Variants in UTP25 observed in about 807,000 individuals in gnomAD.
UTP25 encodes UTP25 small subunit processome component.
Under a neutral mutation model 78.9 loss-of-function variants are expected in UTP25, and 50 were observed. The observed-to-expected ratio is 0.63, with a 90% CI of 0.50 to 0.80. UTP25 has a LOEUF of 0.80. Among genes scored for constraint, UTP25 ranks in the 30% least tolerant of loss-of-function variants. UTP25 has a pLI of 0.00. For missense variants in UTP25, 846 were observed against 911.3 expected, an observed-to-expected ratio of 0.93 and a Z score of 0.92; for synonymous variants, 329 against 336.5, an observed-to-expected ratio of 0.98 and a Z score of 0.24.
At position 209,831,000 on chromosome 1, in the gene UTP25, T is replaced by C. The variant is rs1261378074; in HGVS notation, c.345T>C (p.Ser115=). ...MNDEDGGSDV[S]VEEEMAAEST... is the part of the protein sequence containing the mutation. Reference sequence around the variant, plus strand: ...ATGAAGATGGTGGTAGCGATGTCAGTGTGGAAGAAGAGATGGCTGCAGAGT... The same window carrying C: ...ATGAAGATGGTGGTAGCGATGTCAGCGTGGAAGAAGAGATGGCTGCAGAGT... Residue 115 remains serine (S), a synonymous_variant, in exon 3 of 12, where the codon AGT becomes AGC. Transcript: ENST00000491415. 1.9e-6 allele frequency: 3 copies of C among 1,614,100 alleles called. No homozygotes were observed. Among genetic ancestry groups the C allele is most frequent in the African/African-American group, 2.7e-5 (2 of 75,032 alleles).
intron 11 of UTP25, among the ~76,000 whole-genome samples, chr1:209,850,383 A>G (rs1383392964): frequency 6.6e-6 from 1 of 152,236 alleles, no homozygotes; most frequent in Non-Finnish European, 1.5e-5. Context: ...GCTGTGAGGG[A>G]AAAAGACAAG....
At position 209,828,041 on chromosome 1, in the gene UTP25, TG is replaced by T; in HGVS notation, c.-20del. 6.2e-7 allele frequency: 1 copy of T among 1,601,326 alleles called. No homozygotes were observed. Among genetic ancestry groups the T allele is most frequent in the Non-Finnish European group, 8.6e-7 (1 of 1,168,428 alleles). ...GGTGGAAAACCGCGACTCTTGCAAG[TG>T]GGCAAACTTGACGTTTTCGCTATGG... is the stretch of plus-strand genomic sequence containing the variant. On this transcript the variant is annotated 5_prime_UTR_variant, in exon 1 of 12. Transcript: ENST00000491415.
intron 6 of UTP25, among the ~76,000 whole-genome samples, chr1:209,838,127 G>C (rs2078144460): frequency 6.6e-6 from 1 of 152,126 alleles, no homozygotes; most frequent in Non-Finnish European, 1.5e-5. Flanking sequence ...TGAACATCAG[G>C]GTTATAAGGT....
chr1:209,844,064 G>T, intron 11 of UTP25: 1 of 205,426 alleles, frequency 4.9e-6, no homozygotes, highest in African/African-American at 2.3e-5. Flanking sequence ...TTTTCCCTCT[G>T]TTTGCCCTCA....
rs1006371672 is a variant in UTP25, at chr1:209,839,858, G to C, written c.1282+730G>C. Among the ~76,000 whole-genome samples the C allele has an allele frequency of 2.0e-5, 3 of 152,232 alleles. No homozygotes were observed. In the South Asian group the frequency reaches 6.2e-4, roughly 32 times the overall value. On this transcript the variant is annotated intron_variant, in intron 7 of 11. Coordinates refer to ENST00000491415, the MANE Select transcript of UTP25 (RefSeq NM_014388.7). The stretch of plus-strand genomic sequence containing the variant: ...AGTGCAGGATATGTGTGCAACGGTT[G>C]TTCTCGGAGCATTTAAAGCAAACCC...
chr1:209,850,272 G>A (rs138793368), intron 11 of UTP25, among the ~76,000 whole-genome samples: 93 of 152,244 alleles, frequency 6.1e-4, no homozygotes, highest in Admixed American at 1.6e-3. Flanking sequence ...TTCATTAGCC[G>A]TTAGAATTCC....
chr1:209,841,242 A>G (rs2078165599), intron 8 of UTP25, among the ~76,000 whole-genome samples, 187 bp downstream of exon 8: 1 of 152,240 alleles, frequency 6.6e-6, no homozygotes, highest in Non-Finnish European at 1.5e-5. Context: ...GAGATTGTCC[A>G]TAATTAAACT....
In UTP25 at chr1:209,857,531, T is replaced by C. The variant is rs1402197055; in HGVS notation, c.*6084T>C. The C allele has an allele frequency of 2.0e-5, 3 of 152,242 alleles. No individual in the cohort carries two copies. Among genetic ancestry groups the C allele is most frequent in the African/African-American group, 4.8e-5 (2 of 41,466 alleles). 9.4% of individuals were successfully genotyped at this position (152,242 alleles called of 1,614,324 possible). A position where few individuals can be genotyped will look rare whatever the true frequency, so the allele number is the denominator to read the frequency against. On this transcript the variant is annotated 3_prime_UTR_variant, in exon 12 of 12. Transcript: ENST00000491415. ...CCAACAATGTGTGTGTATGTATATATATGCTTTTGCATTAAAAGGTGGTTT... is the reference window on the plus strand; with the variant it reads ...CCAACAATGTGTGTGTATGTATATACATGCTTTTGCATTAAAAGGTGGTTT...
rs1183794710 is a variant in UTP25, at chr1:209,853,928, A to C, written c.*2481A>C. On this transcript the variant is annotated 3_prime_UTR_variant, in exon 12 of 12. Transcript: ENST00000491415. ...ACACTGAGGATTTCAAGTGTGAACA[A>C]AGTAGTGTTGCTTTGTTCCTGGCTC... The C allele has an allele frequency of 6.6e-6, 1 of 152,208 alleles. No individual in the cohort carries two copies. The highest frequency in any genetic ancestry group is 2.4e-5 in the African/African-American group (1 of 41,444). The allele number at this position is 152,208 out of a possible 1,614,324, so 9.4% of individuals were successfully genotyped here.
chr1:209,851,194 A>T lies in UTP25; in HGVS notation c.2028-10A>T, dbSNP rs746410164. 4 of 1,606,272 alleles carry T rather than the reference A, an allele frequency of 2.5e-6. No homozygotes were observed. The highest frequency in any genetic ancestry group is 2.2e-5 in the East Asian group (1 of 44,836). On this transcript the variant is annotated splice_polypyrimidine_tract_variant and intron_variant, in intron 11 of 11. Coordinates refer to ENST00000491415, the MANE Select transcript of UTP25 (RefSeq NM_014388.7). Reference sequence around the variant, plus strand: ...AAGTTGACATAGCTCTTTCTTTCCAATTCTGACAGGTATACAATAAAAGGC... The same window carrying T: ...AAGTTGACATAGCTCTTTCTTTCCATTTCTGACAGGTATACAATAAAAGGC...
At chr1:209,837,755 TG>T (rs2078142358) in intron 6 of UTP25, among the ~76,000 whole-genome samples, 1 of 152,218 alleles carries the variant, frequency 6.6e-6, no homozygotes, top group South Asian at 2.1e-4. Context: ...GTGATGCGTT[TG>T]TATTCATAAG....
In UTP25 at chr1:209,840,931, G is replaced by C. The variant is rs1369736625; in HGVS notation, c.1361G>C (p.Gly454Ala). The change falls in exon 8 of 12, where the codon GGC becomes GCC. Residue 454 changes from glycine (G) to alanine (A), a missense_variant. Transcript: ENST00000491415. ...SSDILIASPL[G>A]LRTIIGGEGE... ...GATATCCTCATTGCTTCCCCCCTGG[G>C]CTTGAGGACCATCATTGGTGGAGAA... The C allele has an allele frequency of 2.5e-6, 4 of 1,614,018 alleles. No individual in the cohort carries two copies. Among genetic ancestry groups the C allele is most frequent in the Non-Finnish European group, 3.4e-6 (4 of 1,179,960 alleles).
chr1:209,838,455 C>T (rs1220244518), intron 6 of UTP25, among the ~76,000 whole-genome samples: 1 of 151,972 alleles, frequency 6.6e-6, no homozygotes, highest in Admixed American at 6.6e-5. Flanking sequence ...CTTTTTCTTA[C>T]CCGCTTTATT....
intron 3 of UTP25, among the ~76,000 whole-genome samples, chr1:209,832,076 T>C (rs2078106708): frequency 6.6e-6 from 1 of 152,048 alleles, no homozygotes; most frequent in Admixed American, 6.5e-5. Flanking sequence ...TTCATTGACT[T>C]ACACTTAGGA....
At chr1:209,829,968 C>T (rs2078093602) in intron 1 of UTP25, 140 bp from the exon 2 acceptor site, 2 of 654,972 alleles carry the variant, frequency 3.1e-6, no homozygotes, top group African/African-American at 3.7e-5. Flanking sequence ...TGCCCAAGTG[C>T]ATGTGTAATT....
At chr1:209,843,799 C>G in intron 11 of UTP25, 103 bp downstream of exon 11, 1 of 1,433,454 alleles carries the variant, frequency 7.0e-7, no homozygotes, top group Non-Finnish European at 9.4e-7. Flanking sequence ...TTGAGATCAT[C>G]CCTCACTCTC....
chr1:209,839,177 A>G, intron 7 of UTP25, 49 bp downstream of exon 7: 1 of 1,473,066 alleles, frequency 6.8e-7, no homozygotes, highest in South Asian at 1.3e-5. Context: ...AGGTCTACAT[A>G]GCTGGAGACC....
In UTP25 at chr1:209,841,189, C is replaced by T. The variant is rs2078165280; in HGVS notation, c.1485+134C>T. 4.1e-5 allele frequency: 37 copies of T among 897,822 alleles called. No homozygotes were observed. The South Asian group carries it at 6.3e-4, about 15-fold the overall frequency. The allele number at this position is 897,822 out of a possible 1,614,324, so 55.6% of individuals were successfully genotyped here. A position where few individuals can be genotyped will look rare whatever the true frequency, so the allele number is the denominator to read the frequency against. On this transcript the variant is annotated intron_variant, in intron 8 of 11. Coordinates refer to ENST00000491415, the MANE Select transcript of UTP25 (RefSeq NM_014388.7). ...TTTGGAAGCAAGGACACACACTCCA[C>T]ATTTTCTAATTTGAAAAAGTCTTTT...
At chr1:209,829,640 C>G (rs1214145588) in intron 1 of UTP25, among the ~76,000 whole-genome samples, 2 of 127,156 alleles carry the variant, frequency 1.6e-5, no homozygotes, top group Non-Finnish European at 3.5e-5. Flanking sequence ...CACAACACAA[C>G]TCCGGGCTAA....
Sources: allele counts gnomAD v4.1 joint callset (sites outside exome capture counted in the v4.1 genomes callset), GRCh38; gene constraint gnomAD v4.1.1; transcripts MANE v1.5; gene names NCBI Gene and HGNC (gene_info 2026-07-23, HGNC 2026-07-21).